Variants in DPP10 observed in about 807,000 individuals in gnomAD.
DPP10 encodes the protein inactive dipeptidyl peptidase 10.
Under a neutral mutation model 120.9 loss-of-function variants are expected in DPP10, and 33 were observed. The observed-to-expected ratio is 0.27, with a 90% CI of 0.21 to 0.37. The LOEUF is 0.37. DPP10 is among the 10% of genes least tolerant of loss of function. The pLI, the probability that DPP10 is intolerant of heterozygous loss-of-function variation, is 1.00. For synonymous variants in DPP10, 337 were observed against 326.1 expected (o/e 1.03, Z -0.36); for missense variants, 816 against 942.8 (o/e 0.87, Z 1.76).
intron 1 of DPP10, among the ~76,000 whole-genome samples, chr2:115,149,028 T>C (rs1414831248): frequency 2.0e-5 from 3 of 152,180 alleles, no homozygotes; most frequent in Non-Finnish European, 4.4e-5. Flanking sequence ...AAAATTAATC[T>C]GTTGACAAAT....
intron 1 of DPP10, among the ~76,000 whole-genome samples, chr2:114,772,849 C>G (rs564363582): frequency 1.3e-5 from 2 of 152,186 alleles, no homozygotes; most frequent in Admixed American, 1.3e-4. Context: ...CAATGAGCTT[C>G]CATTTATGTT....
chr2:115,011,548 A>G lies in DPP10; in HGVS notation c.61-297691A>G, dbSNP rs111873860. Among the ~76,000 whole-genome samples, 160 of 152,328 alleles carry G rather than the reference A, an allele frequency of 1.1e-3. 2 individuals carry two copies. Among genetic ancestry groups the G allele is most frequent in the African/African-American group, 3.7e-3 (153 of 41,582 alleles). On this transcript the variant is annotated intron_variant, in intron 1 of 25. Coordinates refer to ENST00000410059, the MANE Select transcript of DPP10 (RefSeq NM_020868.6). ...GAAATCTACTTTGTCTAATATTAAG[A>G]TAGCCCACACAGCTTTTTGTTGTTG...
intron 1 of DPP10, among the ~76,000 whole-genome samples, chr2:115,218,598 A>G (rs2056962638): frequency 6.6e-6 from 1 of 152,128 alleles, no homozygotes; most frequent in Non-Finnish European, 1.5e-5. Flanking sequence ...AGTTCATTGC[A>G]TCAGGCTATA....
chr2:114,699,904 T>C (rs1449187488), intron 1 of DPP10, among the ~76,000 whole-genome samples: 2 of 152,098 alleles, frequency 1.3e-5, no homozygotes, highest in African/African-American at 4.8e-5. Context: ...GTTACGATAC[T>C]CTTAGATACA....
chr2:114,461,800 C>T, intron 1 of DPP10: 1 of 985,312 alleles, frequency 1.0e-6, no homozygotes, highest in Non-Finnish European at 1.2e-6. Context: ...ATAATATACA[C>T]AAGTACCTGG....
intron 1 of DPP10, among the ~76,000 whole-genome samples, chr2:115,250,548 T>G (rs1028094411): frequency 2.6e-5 from 4 of 152,158 alleles, no homozygotes; most frequent in African/African-American, 7.2e-5. Flanking sequence ...GGAGACACTG[T>G]GAGGCCATGG....
At chr2:115,287,269 G>A (rs923171385) in intron 1 of DPP10, among the ~76,000 whole-genome samples, 1 of 152,030 alleles carries the variant, frequency 6.6e-6, no homozygotes, top group African/African-American at 2.4e-5. Flanking sequence ...ATTTTACTCT[G>A]TCAGTTTTAT....
chr2:114,997,032 T>C (rs1202544636), intron 1 of DPP10, among the ~76,000 whole-genome samples: 2 of 151,208 alleles, frequency 1.3e-5, no homozygotes, highest in Non-Finnish European at 2.9e-5. Flanking sequence ...GTTAACAAAT[T>C]TTCTGAGGGG....
At chr2:114,973,820 C>T (rs190846796) in intron 1 of DPP10, among the ~76,000 whole-genome samples, 4 of 151,938 alleles carry the variant, frequency 2.6e-5, no homozygotes, top group East Asian at 3.9e-4. Context: ...AGCAGAAGAC[C>T]GTGATGTTGA....
chr2:115,143,523 A>G (rs2051043229), intron 1 of DPP10, among the ~76,000 whole-genome samples: 1 of 152,234 alleles, frequency 6.6e-6, no homozygotes, highest in Admixed American at 6.5e-5. Flanking sequence ...TGGATGACTT[A>G]CTATCCAAGA....
At chr2:115,729,378 A>G (rs578023058) in intron 8 of DPP10, among the ~76,000 whole-genome samples, 1 of 152,214 alleles carries the variant, frequency 6.6e-6, no homozygotes, top group Non-Finnish European at 1.5e-5. Flanking sequence ...ATGTTAATGC[A>G]GTGTGGTAAG....
chr2:115,225,022 C>T (rs1272870414), intron 1 of DPP10, among the ~76,000 whole-genome samples: 3 of 152,124 alleles, frequency 2.0e-5, no homozygotes, highest in African/African-American at 7.2e-5. Context: ...GTGCTACACT[C>T]ATCTTTTGGG....
chr2:114,561,791 T>C (rs1688784294), intron 1 of DPP10, among the ~76,000 whole-genome samples: 1 of 152,234 alleles, frequency 6.6e-6, no homozygotes, highest in African/African-American at 2.4e-5. Flanking sequence ...TTTATCTTTA[T>C]AAACTATTGA....
At chr2:115,815,452 G>T (rs1277468319) in intron 20 of DPP10, among the ~76,000 whole-genome samples, 1 of 152,098 alleles carries the variant, frequency 6.6e-6, no homozygotes, top group African/African-American at 2.4e-5. Flanking sequence ...TGGGGCCCAG[G>T]CTTCTGCATT....
chr2:115,632,519 CTTACAAGG>C (rs1166742634), intron 5 of DPP10, among the ~76,000 whole-genome samples: 1 of 152,104 alleles, frequency 6.6e-6, no homozygotes, highest in Non-Finnish European at 1.5e-5. Flanking sequence ...TACAATAGCT[CTTACAAGG>C]CAGGCATGAT....
At chr2:115,313,762 C>T (rs1345781080) in intron 2 of DPP10, among the ~76,000 whole-genome samples, 1 of 152,150 alleles carries the variant, frequency 6.6e-6, no homozygotes, top group Non-Finnish European at 1.5e-5. Flanking sequence ...GAAGTCCTAA[C>T]TATTTTTGAA....
intron 3 of DPP10, among the ~76,000 whole-genome samples, chr2:115,360,709 G>GT (rs2064708413): frequency 6.6e-6 from 1 of 152,178 alleles, no homozygotes; most frequent in East Asian, 1.9e-4. Context: ...TGGCAGTGCT[G>GT]TTTCCTCCCA....
intron 1 of DPP10, among the ~76,000 whole-genome samples, chr2:115,201,583 G>C (rs755815816): frequency 2.0e-5 from 3 of 152,184 alleles, no homozygotes; most frequent in African/African-American, 7.2e-5. Context: ...CCTACTAATT[G>C]TGTCTAGACA....
At chr2:115,522,452 A>T (rs2077869222) in intron 4 of DPP10, among the ~76,000 whole-genome samples, 1 of 152,214 alleles carries the variant, frequency 6.6e-6, no homozygotes, top group African/African-American at 2.4e-5. Context: ...TTCAACACAT[A>T]AGATTCGCTT....
Sources: allele counts gnomAD v4.1 joint callset (sites outside exome capture counted in the v4.1 genomes callset), GRCh38; gene constraint gnomAD v4.1.1; transcripts MANE v1.5; gene names NCBI Gene and HGNC (gene_info 2026-07-23, HGNC 2026-07-21).